The following TBXAS1 variants were observed in gnomAD, a reference collection of about 807,000 sequenced individuals.
TBXAS1 encodes thromboxane-A synthase.
A neutral mutation model predicts 60.7 loss-of-function variants in TBXAS1; 48 were observed. The observed-to-expected ratio is 0.79, with a 90% confidence interval of 0.63 to 1.01. TBXAS1 has a LOEUF of 1.01. Ranked by LOEUF, TBXAS1 falls within the 50% of genes least tolerant of loss-of-function variation. The probability of loss-of-function intolerance (pLI) is 0.00; values close to 1 mark genes in which losing one functional copy is unlikely to be tolerated. For synonymous variants in TBXAS1, 287 were observed against 269.7 expected (o/e 1.06, Z -0.63); for missense variants, 685 against 686.3 (o/e 1.00, Z 0.02).
rs1261555192 is a variant in TBXAS1, at chr7:139,831,085, T to C, written c.89+1606T>C. Among the ~76,000 whole-genome samples, 3 of 151,998 alleles carry C rather than the reference T, an allele frequency of 2.0e-5. No individual in the cohort carries two copies. The East Asian group carries it at 5.8e-4, about 30-fold the overall frequency. On this transcript the variant is annotated intron_variant, in intron 1 of 12. Coordinates refer to ENST00000448866, the MANE Select transcript of TBXAS1 (RefSeq NM_001061.7). ...GGAAGTGAGAGCTGACTTCTATTTG[T>C]TATTGCAAAAATATTTATTAACCTG...
At chr7:139,865,000 T>C (rs1229119329) in intron 1 of TBXAS1, among the ~76,000 whole-genome samples, 2 of 152,200 alleles carry the variant, frequency 1.3e-5, no homozygotes, top group Admixed American at 1.3e-4. Flanking sequence ...TACTCACTAT[T>C]ATAAATTTGT....
In TBXAS1 at chr7:139,836,276, CA is replaced by C. The variant is rs1296749408; in HGVS notation, c.89+6801del. Among the ~76,000 whole-genome samples the C allele has an allele frequency of 4.6e-5, 7 of 152,204 alleles. No individual in the cohort carries two copies. In the South Asian group the frequency reaches 6.2e-4, roughly 14 times the overall value. ...TCTACAAATTCAATGCAGTCTGCAT[CA>C]AAATACCACCATCATTCTTCACAGA... On this transcript the variant is annotated intron_variant, in intron 1 of 12. Coordinates refer to ENST00000448866, the MANE Select transcript of TBXAS1 (RefSeq NM_001061.7).
chr7:139,912,284 A>G (rs768890885), intron 4 of TBXAS1, among the ~76,000 whole-genome samples: 24 of 152,078 alleles, frequency 1.6e-4, no homozygotes, highest in Non-Finnish European at 1.2e-4. Context: ...AAAGAATGAA[A>G]AAATGGCAGA....
At chr7:139,850,813 A>G (rs987179205) in intron 1 of TBXAS1, among the ~76,000 whole-genome samples, 3 of 152,106 alleles carry the variant, frequency 2.0e-5, no homozygotes, top group Non-Finnish European at 4.4e-5. Context: ...GATTAGAGGG[A>G]TGCATCTACA....
At chr7:139,792,626 A>G (rs1359740997) in intron 4 of TBXAS1, among the ~76,000 whole-genome samples, 1 of 152,224 alleles carries the variant, frequency 6.6e-6, no homozygotes. Context: ...ACAAATAGCC[A>G]GTCCTCTTTA....
chr7:139,928,835 CT>C (rs1203411205), intron 4 of TBXAS1, among the ~76,000 whole-genome samples: 2 of 152,160 alleles, frequency 1.3e-5, no homozygotes, highest in African/African-American at 2.4e-5. Context: ...CTAAGGATCA[CT>C]TTTTTAAAAA....
Position 140,011,297 on chromosome 7 carries a change from C to A in TBXAS1, c.1226+4115C>A, listed in dbSNP as rs937616353. ...GTCTCAAAAAAAACAAACAAACAAACAAACAAAAAAAACAGTCCCCTAAAC... is the reference window on the plus strand; with the variant it reads ...GTCTCAAAAAAAACAAACAAACAAAAAAACAAAAAAAACAGTCCCCTAAAC... On this transcript the variant is annotated intron_variant, in intron 10 of 12. Transcript: ENST00000448866. 7.7e-3 allele frequency among the ~76,000 whole-genome samples: 965 copies of A among 126,058 alleles called. 19 individuals carry two copies. Among genetic ancestry groups the A allele is most frequent in the African/African-American group, 0.034 (909 of 26,358 alleles). 82.7% of individuals were successfully genotyped at this position (126,058 alleles called of 152,430 possible). A position where few individuals can be genotyped will look rare whatever the true frequency, so the allele number is the denominator to read the frequency against.
chr7:139,883,839 C>T (rs1025661401), intron 3 of TBXAS1, among the ~76,000 whole-genome samples: 1 of 152,174 alleles, frequency 6.6e-6, no homozygotes, highest in Non-Finnish European at 1.5e-5. Flanking sequence ...ACACCTTATT[C>T]ACAGTATAAG....
At chr7:139,957,888 C>T in intron 8 of TBXAS1, 124 bp downstream of exon 8, 1 of 1,361,576 alleles carries the variant, frequency 7.3e-7, no homozygotes, top group Admixed American at 1.9e-5. Context: ...CAGCAACCCA[C>T]CACTTACAGC....
In TBXAS1 at chr7:139,956,160, T is replaced by A. The variant is rs544694907; in HGVS notation, c.688+553T>A. Among the ~76,000 whole-genome samples the A allele has an allele frequency of 1.3e-3, 199 of 152,200 alleles. 1 individual carries two copies. The Middle Eastern group carries it at 0.014, about 10-fold the overall frequency. On this transcript the variant is annotated intron_variant, in intron 7 of 12. Coordinates refer to ENST00000448866, the MANE Select transcript of TBXAS1 (RefSeq NM_001061.7). ...TATTTTATTTATTATTATTATTATT[T>A]TTTTAGATGGAGTTTCGCTGTTGTT...
chr7:139,940,370 C>A (rs762005741), intron 5 of TBXAS1, among the ~76,000 whole-genome samples: 7 of 152,284 alleles, frequency 4.6e-5, no homozygotes, highest in East Asian at 1.9e-4. Flanking sequence ...GGTTCTCAAA[C>A]CTTGTGGGAC....
intron 1 of TBXAS1, among the ~76,000 whole-genome samples, chr7:139,855,900 G>A (rs1280799944): frequency 2.6e-5 from 4 of 152,118 alleles, no homozygotes; most frequent in South Asian, 2.1e-4. Context: ...AAAATAAAGC[G>A]AGTGAAAAAA....
intron 2 of TBXAS1, 144 bp downstream of exon 2, chr7:139,872,472 T>G: frequency 1.4e-6 from 1 of 726,630 alleles, no homozygotes; most frequent in Admixed American, 2.0e-5. Flanking sequence ...CTGACCAACA[T>G]GGTGAAACCC....
chr7:139,800,836 A>G (rs1797704696), intron 4 of TBXAS1, among the ~76,000 whole-genome samples: 1 of 152,118 alleles, frequency 6.6e-6, no homozygotes, highest in African/African-American at 2.4e-5. Context: ...GTCTTTTCCT[A>G]TCAGTTATCA....
At chr7:139,904,185 A>G (rs1375121688) in intron 3 of TBXAS1, among the ~76,000 whole-genome samples, 1 of 152,096 alleles carries the variant, frequency 6.6e-6, no homozygotes, top group Non-Finnish European at 1.5e-5. Flanking sequence ...TTATCCCAGC[A>G]TCGTTTATTG....
chr7:140,010,513 G>C (rs1814526761), intron 10 of TBXAS1, among the ~76,000 whole-genome samples: 2 of 152,154 alleles, frequency 1.3e-5, no homozygotes, highest in Middle Eastern at 3.2e-3. Context: ...CAGCTTCCAG[G>C]GGGTCTGCCT....
intron 9 of TBXAS1, among the ~76,000 whole-genome samples, chr7:139,980,844 C>T (rs896577406): frequency 1.3e-5 from 2 of 151,750 alleles, no homozygotes; most frequent in Non-Finnish European, 2.9e-5. Context: ...TCACTGTCTG[C>T]ACCAGAGTGG....
chr7:139,901,212 T>A (rs1375884540), intron 3 of TBXAS1, among the ~76,000 whole-genome samples: 1 of 151,990 alleles, frequency 6.6e-6, no homozygotes, highest in Non-Finnish European at 1.5e-5. Flanking sequence ...TTCACAAGAT[T>A]ACACAATTTA....
intron 3 of TBXAS1, among the ~76,000 whole-genome samples, chr7:139,885,238 C>T (rs1420870271): frequency 6.6e-6 from 1 of 152,224 alleles, no homozygotes; most frequent in East Asian, 1.9e-4. Context: ...GGCATCAGTA[C>T]CTTCTTTATC....
Sources: gnomAD v4.1 joint callset for allele counts (sites outside exome capture counted in the v4.1 genomes callset) on GRCh38, gnomAD v4.1.1 for gene constraint, MANE v1.5 for transcripts, NCBI Gene and HGNC (gene_info 2026-07-23, HGNC 2026-07-21) for gene names.